Variants in AK5 observed in about 807,000 individuals in gnomAD.
AK5 encodes adenylate kinase isoenzyme 5.
A neutral mutation model predicts 69.5 loss-of-function variants in AK5; 27 were observed. The observed-to-expected ratio is 0.39, with a 90% CI of 0.29 to 0.54. AK5 has a LOEUF of 0.54. Among genes scored for constraint, AK5 ranks in the 20% least tolerant of loss-of-function variants. The probability of loss-of-function intolerance (pLI) is 0.71; values close to 1 mark genes in which losing one functional copy is unlikely to be tolerated. For missense variants in AK5, 531 were observed against 700.4 expected (o/e 0.76, Z 2.73); for synonymous variants, 260 against 244.4 (o/e 1.06, Z -0.60).
At chr1:77,410,560 G>A (rs996349709) in intron 6 of AK5, among the ~76,000 whole-genome samples, 1 of 149,766 alleles carries the variant, frequency 6.7e-6, no homozygotes, top group Non-Finnish European at 1.5e-5. Flanking sequence ...GATTACAGGA[G>A]TGAGCCACTG....
intron 13 of AK5, among the ~76,000 whole-genome samples, chr1:77,547,327 G>T (rs1205320674): frequency 1.4e-4 from 19 of 140,348 alleles, no homozygotes; most frequent in Admixed American, 9.0e-4. Flanking sequence ...AGGCTGGAGT[G>T]CAGTGGCACG....
chr1:77,445,746 G>A (rs555805572), intron 8 of AK5, among the ~76,000 whole-genome samples: 17 of 152,010 alleles, frequency 1.1e-4, no homozygotes, highest in Non-Finnish European at 1.6e-4. Flanking sequence ...CACCATACCC[G>A]GCTAATTTTT....
At chr1:77,283,268 T>C in intron 1 of AK5, 1 of 985,316 alleles carries the variant, frequency 1.0e-6, no homozygotes, top group Non-Finnish European at 1.2e-6. Flanking sequence ...CATTCCTGAA[T>C]CTCAAGTGCT....
At chr1:77,504,427 C>CTG (rs1265453667) in intron 10 of AK5, among the ~76,000 whole-genome samples, 5 of 104,740 alleles carry the variant, frequency 4.8e-5, no homozygotes, top group African/African-American at 1.0e-4. Context: ...TAGTTTTTTT[C>CTG]TGTGTATATA....
At chr1:77,552,247 C>A (rs1467738377) in intron 13 of AK5, among the ~76,000 whole-genome samples, 1 of 152,186 alleles carries the variant, frequency 6.6e-6, no homozygotes, top group African/African-American at 2.4e-5. Context: ...TCCCAGCCTG[C>A]TCTTTGACTA....
chr1:77,339,327 T>C (rs1661528140), intron 5 of AK5, among the ~76,000 whole-genome samples: 1 of 152,230 alleles, frequency 6.6e-6, no homozygotes, highest in South Asian at 2.1e-4. Context: ...TAAGCTGCAT[T>C]CACTTCATAT....
intron 2 of AK5, among the ~76,000 whole-genome samples, chr1:77,290,711 CACTT>C (rs1282620639): frequency 3.9e-5 from 6 of 152,320 alleles, no homozygotes; most frequent in African/African-American, 1.4e-4. Flanking sequence ...TCAAAACCAG[CACTT>C]ACTTCTTTTC....
At chr1:77,370,495 C>T (rs1647100475) in intron 6 of AK5, among the ~76,000 whole-genome samples, 1 of 151,918 alleles carries the variant, frequency 6.6e-6, no homozygotes, top group Non-Finnish European at 1.5e-5. Context: ...TGCATGATTA[C>T]TAGATAATCC....
chr1:77,289,644 T>C (rs1658566995), intron 2 of AK5, among the ~76,000 whole-genome samples: 2 of 152,008 alleles, frequency 1.3e-5, no homozygotes, highest in South Asian at 4.1e-4. Flanking sequence ...ACACAGAAGA[T>C]AGGCATGTGT....
chr1:77,314,811 G>T (rs1660160547), intron 5 of AK5: 1 of 152,140 alleles, frequency 6.6e-6, no homozygotes, highest in Non-Finnish European at 1.5e-5. Context: ...GAATGGGAGA[G>T]AGGCGAACAC....
intron 10 of AK5, among the ~76,000 whole-genome samples, chr1:77,506,721 G>A (rs575583135): frequency 6.6e-6 from 1 of 152,172 alleles, no homozygotes; most frequent in African/African-American, 2.4e-5. Context: ...TAATGGGGCC[G>A]GGCACGGTGG....
In AK5 at chr1:77,359,630, A is replaced by G. The variant is rs190238469; in HGVS notation, c.891+19062A>G. ...CCAGCTGAAATAAATGAGGAATGGG[A>G]GAATTCAGCTCAAACAGACAAAACA... On this transcript the variant is annotated intron_variant, in intron 6 of 13. Transcript: ENST00000354567. Among the ~76,000 whole-genome samples, 86 of 152,360 alleles carry G rather than the reference A, an allele frequency of 5.6e-4. No individual in the cohort carries two copies. In the East Asian group the frequency reaches 0.011, roughly 19 times the overall value.
At chr1:77,496,007 G>T (rs1369635952) in intron 10 of AK5, among the ~76,000 whole-genome samples, 2 of 152,174 alleles carry the variant, frequency 1.3e-5, no homozygotes, top group African/African-American at 4.8e-5. Flanking sequence ...AGGATACAAA[G>T]ATGAAAGGCA....
rs6603940 is a variant in AK5, at chr1:77,333,552, A to T, written c.700-6825A>T. ...ATTTTTATTTTTAAATCTCCCCCCC[A>T]CCATGCTAGTTGATTGTATCTTATG... On this transcript the variant is annotated intron_variant, in intron 5 of 13. Coordinates refer to ENST00000354567, the MANE Select transcript of AK5 (RefSeq NM_174858.3). 6.3e-5 allele frequency among the ~76,000 whole-genome samples: 9 copies of T among 142,756 alleles called. No homozygotes were observed. The East Asian group carries it at 1.4e-3, about 22-fold the overall frequency. 93.7% of individuals were successfully genotyped at this position (142,756 alleles called of 152,430 possible). A position where few individuals can be genotyped will look rare whatever the true frequency, so the allele number is the denominator to read the frequency against.
chr1:77,374,811 C>G (rs1183894390), intron 6 of AK5, among the ~76,000 whole-genome samples: 1 of 147,634 alleles, frequency 6.8e-6, no homozygotes, highest in Admixed American at 6.8e-5. Flanking sequence ...CAGAGTGAGA[C>G]CCTGTCTCAG....
chr1:77,418,544 G>C (rs888830024), intron 8 of AK5, among the ~76,000 whole-genome samples: 4 of 152,062 alleles, frequency 2.6e-5, no homozygotes, highest in Non-Finnish European at 5.9e-5. Context: ...CATTTATCTG[G>C]GTCATTTTCC....
chr1:77,521,649 T>C (rs867345997), intron 11 of AK5, among the ~76,000 whole-genome samples, 178 bp from the exon 12 acceptor site: 1 of 152,126 alleles, frequency 6.6e-6, no homozygotes, highest in South Asian at 2.1e-4. Context: ...GCCAATTTCA[T>C]AGATATTAAA....
chr1:77,376,934 G>A (rs1318161573), intron 6 of AK5, among the ~76,000 whole-genome samples: 2 of 152,048 alleles, frequency 1.3e-5, no homozygotes, highest in African/African-American at 4.8e-5. Flanking sequence ...AGAAAAGAAA[G>A]GAAATATAGA....
intron 5 of AK5, among the ~76,000 whole-genome samples, chr1:77,321,312 A>G (rs2100324615): frequency 6.6e-6 from 1 of 152,222 alleles, no homozygotes; most frequent in Non-Finnish European, 1.5e-5. Context: ...TCTCTACTAA[A>G]AATACAAAAC....
Sources: allele counts gnomAD v4.1 joint callset (sites outside exome capture counted in the v4.1 genomes callset), GRCh38; gene constraint gnomAD v4.1.1; transcripts MANE v1.5; gene names NCBI Gene and HGNC (gene_info 2026-07-23, HGNC 2026-07-21).